ATP6AP2: variants seen among roughly 807,000 people sequenced by gnomAD.
The protein encoded by ATP6AP2 is ATPase H+ transporting accessory protein 2.
Under a neutral mutation model 23.4 loss-of-function variants are expected in ATP6AP2, and 1 was observed. The ratio of observed to expected loss-of-function variants is 0.04; its 90% CI spans 0.02 to 0.20. The LOEUF (loss-of-function observed/expected upper bound fraction) is 0.20, where lower values mean the gene tolerates loss of function less well. Ranked by LOEUF, ATP6AP2 falls within the 10% of genes least tolerant of loss-of-function variation. ATP6AP2 has a pLI of 1.00. For synonymous variants in ATP6AP2, 90 were observed against 97.1 expected, an observed-to-expected ratio of 0.93 and a Z score of 0.43; for missense variants, 174 against 271.3, an observed-to-expected ratio of 0.64 and a Z score of 2.52.
rs140479982 is a variant in ATP6AP2, at chrX:40,605,615, G to A, written c.913G>A (p.Val305Met). 10 of 1,207,490 alleles carry A rather than the reference G, an allele frequency of 8.3e-6. No individual in the cohort carries two copies. The highest frequency in any genetic ancestry group is 3.0e-5 in the East Asian group (1 of 33,787). Reference protein sequence around the residue: ...LAYKYNFEYSVVFNMVLWIMI... With the variant: ...LAYKYNFEYSMVFNMVLWIMI... ...ATATAAGTATAATTTTGAATATTCCGTGGTTTTCAACATGGTACTTTGGAT... is the reference window on the plus strand; with the variant it reads ...ATATAAGTATAATTTTGAATATTCCATGGTTTTCAACATGGTACTTTGGAT... Residue 305 changes from valine (V) to methionine (M), a missense_variant, in exon 9 of 9, where the codon GTG becomes ATG. By Grantham distance (21) the Val-to-Met change is conservative (BLOSUM62 1). Coordinates refer to ENST00000636580, the MANE Select transcript of ATP6AP2 (RefSeq NM_005765.3).
chrX:40,604,557 G>C (rs1387384558), intron 8 of ATP6AP2, among the ~76,000 whole-genome samples: 1 of 111,443 alleles, frequency 9.0e-6, no homozygotes, highest in Non-Finnish European at 1.9e-5. Flanking sequence ...ATTACAAATC[G>C]AGATGAGATT....
intron 1 of ATP6AP2, 51 bp downstream of exon 1, chrX:40,581,153 G>A: frequency 1.9e-6 from 2 of 1,076,379 alleles, no homozygotes; most frequent in Non-Finnish European, 2.4e-6. Context: ...CTGCGCCGCG[G>A]GGCTTGGGGG....
At chrX:40,593,261 G>A (rs80131075) in intron 3 of ATP6AP2, among the ~76,000 whole-genome samples, 2 of 109,638 alleles carry the variant, frequency 1.8e-5, no homozygotes, top group African/African-American at 6.6e-5. Context: ...AAAAAAAAAG[G>A]TATTTGGATC....
At chrX:40,591,101 A>G (rs1926614369) in intron 2 of ATP6AP2, 133 bp from the exon 3 acceptor site, 2 of 800,817 alleles carry the variant, frequency 2.5e-6, no homozygotes, top group South Asian at 2.3e-5. Context: ...CACAAATAAA[A>G]TGTTTACTTT....
At chrX:40,588,433 T>TA (rs1471018846) in intron 1 of ATP6AP2, among the ~76,000 whole-genome samples, 6 of 104,039 alleles carry the variant, frequency 5.8e-5, no homozygotes, top group Non-Finnish European at 1.2e-4. Context: ...AGTAACCTGG[T>TA]AAAATCTTAT....
chrX:40,602,128 A>G (rs1282300406), intron 8 of ATP6AP2, among the ~76,000 whole-genome samples: 1 of 98,984 alleles, frequency 1.0e-5, no homozygotes, highest in Admixed American at 1.1e-4. Context: ...CTAAAAATAC[A>G]AAAATTAGCC....
intron 2 of ATP6AP2, chrX:40,589,335 C>A (rs1016602355): frequency 5.3e-6 from 2 of 380,740 alleles, no homozygotes; most frequent in Non-Finnish European, 9.0e-6. Flanking sequence ...GAATTTGAGA[C>A]CAACCTGGGC....
At chrX:40,581,322 G>T (rs1406540161) in intron 1 of ATP6AP2, among the ~76,000 whole-genome samples, 2 of 113,400 alleles carry the variant, frequency 1.8e-5, no homozygotes, top group South Asian at 3.5e-4. Context: ...GCTGCGTAGG[G>T]GGCCCCTGAG....
At chrX:40,593,665 C>T (rs780054954) in intron 3 of ATP6AP2, among the ~76,000 whole-genome samples, 2 of 109,841 alleles carry the variant, frequency 1.8e-5, no homozygotes, top group South Asian at 7.9e-4. Context: ...TGCCACCACG[C>T]CCAGCTAATT....
chrX:40,582,433 C>T (rs976353413), intron 1 of ATP6AP2, among the ~76,000 whole-genome samples: 6 of 111,518 alleles, frequency 5.4e-5, no homozygotes, highest in Admixed American at 9.5e-5. Flanking sequence ...GTCTCAGAAG[C>T]AAAAACAAAC....
intron 3 of ATP6AP2, among the ~76,000 whole-genome samples, chrX:40,593,262 T>C (rs77079783): frequency 9.2e-6 from 1 of 108,119 alleles, no homozygotes; most frequent in Non-Finnish European, 1.9e-5. Context: ...AAAAAAAAGG[T>C]ATTTGGATCA....
rs776681336 is a variant in ATP6AP2, at chrX:40,606,626, G to C, written c.*871G>C. The C allele has an allele frequency of 1.2e-3, 139 of 112,223 alleles. 1 individual carries two copies. Among genetic ancestry groups the C allele is most frequent in the African/African-American group, 4.2e-3 (131 of 30,903 alleles). The allele number at this position is 112,223 out of a possible 1,213,427, so 9.2% of individuals were successfully genotyped here. ...ATCAAGAGTGACAAATAAAGTTAAT[G>C]ATGATTCCAAATTTGTGTCATTGCA... is the stretch of plus-strand genomic sequence containing the variant. On this transcript the variant is annotated 3_prime_UTR_variant, in exon 9 of 9. Transcript: ENST00000636580.
chrX:40,600,061 C>T lies in ATP6AP2; in HGVS notation c.738+320C>T, dbSNP rs751652685. ...AGTTCAGTGGTATTAAGTGCAAGTA[C>T]GTTCACATGTTGTACAACCATCACC... On this transcript the variant is annotated intron_variant, in intron 7 of 8. Coordinates refer to ENST00000636580, the MANE Select transcript of ATP6AP2 (RefSeq NM_005765.3). The T allele has an allele frequency of 2.1e-4, 53 of 255,814 alleles. No individual in the cohort carries two copies. In the Middle Eastern group the frequency reaches 5.3e-3, roughly 26 times the overall value. The allele number at this position is 255,814 out of a possible 1,213,427, so 21.1% of individuals were successfully genotyped here. A position where few individuals can be genotyped will look rare whatever the true frequency, so the allele number is the denominator to read the frequency against.
At chrX:40,587,194 T>C (rs896411736) in intron 1 of ATP6AP2, among the ~76,000 whole-genome samples, 3 of 111,735 alleles carry the variant, frequency 2.7e-5, no homozygotes, top group Admixed American at 1.9e-4. Context: ...TGCTTGAACC[T>C]GGCAGGCAGA....
intron 1 of ATP6AP2, among the ~76,000 whole-genome samples, chrX:40,581,463 A>G (rs1926323493): frequency 8.9e-6 from 1 of 112,977 alleles, no homozygotes; most frequent in Non-Finnish European, 1.9e-5. Flanking sequence ...GAAGAAGAGA[A>G]GGCAGACTTT....
At chrX:40,602,928 T>TTTG (rs1569261700) in intron 8 of ATP6AP2, among the ~76,000 whole-genome samples, 19 of 26,493 alleles carry the variant, frequency 7.2e-4, no homozygotes, top group Middle Eastern at 0.017. Flanking sequence ...TTTTTTTTTT[T>TTTG]TTTTTTTTTT....
chrX:40,584,642 G>A, intron 1 of ATP6AP2, among the ~76,000 whole-genome samples: 1 of 111,127 alleles, frequency 9.0e-6, no homozygotes, highest in Non-Finnish European at 1.9e-5. Flanking sequence ...CACCATGCCT[G>A]GCTAATTTTG....
chrX:40,595,419 A>G (rs1267487351), intron 3 of ATP6AP2, among the ~76,000 whole-genome samples: 1 of 112,648 alleles, frequency 8.9e-6, no homozygotes, highest in Admixed American at 9.4e-5. Flanking sequence ...ACAGATATGC[A>G]TCTCCCTTAC....
At chrX:40,603,103 T>C (rs1437280242) in intron 8 of ATP6AP2, among the ~76,000 whole-genome samples, 1 of 106,742 alleles carries the variant, frequency 9.4e-6, no homozygotes, top group Non-Finnish European at 1.9e-5. Flanking sequence ...CCGGCTAATT[T>C]TTGTACTTTT....
Sources: allele counts gnomAD v4.1 joint callset (sites outside exome capture counted in the v4.1 genomes callset), GRCh38; gene constraint gnomAD v4.1.1; transcripts MANE v1.5; gene names NCBI Gene and HGNC (gene_info 2026-07-23, HGNC 2026-07-21).